TMEM132E: variants seen among roughly 807,000 people sequenced by gnomAD.
TMEM132E encodes the protein transmembrane protein 132E.
A neutral mutation model predicts 78.5 loss-of-function variants in TMEM132E; 49 were observed. The ratio of observed to expected loss-of-function variants is 0.62; its 90% CI spans 0.50 to 0.79. TMEM132E has a LOEUF of 0.79. Among genes scored for constraint, TMEM132E ranks in the 30% least tolerant of loss-of-function variants. The probability of loss-of-function intolerance (pLI) is 0.00; values close to 1 mark genes in which losing one functional copy is unlikely to be tolerated. For synonymous variants in TMEM132E, 715 were observed against 670.6 expected (o/e 1.07, Z -1.02); for missense variants, 1,403 against 1,470.9 (o/e 0.95, Z 0.75).
chr17:34,634,173 C>A (rs537571378), intron 6 of TMEM132E, among the ~76,000 whole-genome samples: 43 of 152,300 alleles, frequency 2.8e-4, no homozygotes, highest in Middle Eastern at 3.4e-3. Flanking sequence ...TGGCAGTAAA[C>A]CTCTCAATTT....
Position 34,638,404 on chromosome 17 carries a change from C to G in TMEM132E, c.*172C>G, listed in dbSNP as rs1907625245. 1 of 672,616 alleles carries G rather than the reference C, an allele frequency of 1.5e-6. No individual in the cohort carries two copies. Among genetic ancestry groups the G allele is most frequent in the Admixed American group, 3.2e-5 (1 of 31,156 alleles). The allele number at this position is 672,616 out of a possible 1,614,324, so 41.7% of individuals were successfully genotyped here. A position where few individuals can be genotyped will look rare whatever the true frequency, so the allele number is the denominator to read the frequency against. ...GGCCGCCTCAGTGTCTGGGCCTTCC[C>G]TCGCCTCACGCCATTACCCTCTTCT... On this transcript the variant is annotated 3_prime_UTR_variant, in exon 9 of 9. Coordinates refer to ENST00000631683, the MANE Select transcript of TMEM132E (RefSeq NM_001304438.2).
intron 1 of TMEM132E, among the ~76,000 whole-genome samples, chr17:34,613,210 C>T (rs1233955306): frequency 7.8e-6 from 1 of 128,704 alleles, no homozygotes; most frequent in African/African-American, 2.7e-5. Flanking sequence ...CACACACACA[C>T]ACGCGCGCGC....
rs12453753 is a variant in TMEM132E at position 34,621,991 on chromosome 17, C to A, written c.68-4136C>A. Among the ~76,000 whole-genome samples, 666 of 152,280 alleles carry A rather than the reference C, an allele frequency of 4.4e-3. 8 individuals carry two copies. Among genetic ancestry groups the A allele is most frequent in the East Asian group, 0.034 (177 of 5,186 alleles). On this transcript the variant is annotated intron_variant, in intron 1 of 8. Transcript: ENST00000631683. ...TGTGTTGATCAGCCTCCCTTCTCCC[C>A]ACCCCACATCTGTCTTCCTTCAAGG...
chr17:34,613,203 A>ACGCG (rs1419108167), intron 1 of TMEM132E, among the ~76,000 whole-genome samples: 2 of 114,600 alleles, frequency 1.7e-5, no homozygotes, highest in Admixed American at 2.1e-4. Context: ...ACACCCACAC[A>ACGCG]CACACACACG....
At chr17:34,613,205 ACACACACGCG>A (rs1312276182) in intron 1 of TMEM132E, among the ~76,000 whole-genome samples, 2 of 103,596 alleles carry the variant, frequency 1.9e-5, no homozygotes, top group Non-Finnish European at 4.3e-5. Context: ...ACCCACACAC[ACACACACGCG>A]CGCGCGCGCG....
chr17:34,615,138 CTGGGTT>C, intron 1 of TMEM132E, among the ~76,000 whole-genome samples: 1 of 97,400 alleles, frequency 1.0e-5, no homozygotes, highest in East Asian at 3.7e-4. Flanking sequence ...TCTTCCCTCC[CTGGGTT>C]TCCCCAGGAG....
chr17:34,609,843 CCA>C (rs1485219226), intron 1 of TMEM132E, among the ~76,000 whole-genome samples: 5 of 152,188 alleles, frequency 3.3e-5, no homozygotes, highest in Admixed American at 1.3e-4. Flanking sequence ...GGGATAAAAT[CCA>C]CAGACTCCTT....
chr17:34,613,034 C>G (rs2142068168), intron 1 of TMEM132E, among the ~76,000 whole-genome samples: 1 of 152,098 alleles, frequency 6.6e-6, no homozygotes, highest in African/African-American at 2.4e-5. Context: ...TCTTACCTTG[C>G]CCAGGGCTGA....
chr17:34,615,921 ATC>A (rs1474333886), intron 1 of TMEM132E, among the ~76,000 whole-genome samples: 2 of 152,048 alleles, frequency 1.3e-5, no homozygotes, highest in African/African-American at 2.4e-5. Flanking sequence ...TTCACAGGTA[ATC>A]TTATAACATA....
chr17:34,594,609 G>T (rs183389375), intron 1 of TMEM132E, among the ~76,000 whole-genome samples: 4 of 152,134 alleles, frequency 2.6e-5, no homozygotes, highest in East Asian at 1.9e-4. Flanking sequence ...ATGTTTTTTT[G>T]TTTGTTTGTT....
intron 1 of TMEM132E, among the ~76,000 whole-genome samples, chr17:34,613,211 A>ACACACACACACACACACACACGCGCGCG: frequency 8.6e-6 from 1 of 115,854 alleles, no homozygotes; most frequent in Non-Finnish European, 1.8e-5. Flanking sequence ...ACACACACAC[A>ACACACACACACACACACACACGCGCGCG]CGCGCGCGCG....
chr17:34,613,211 A>ATACACGCG (rs1555563344), intron 1 of TMEM132E, among the ~76,000 whole-genome samples: 2 of 115,856 alleles, frequency 1.7e-5, no homozygotes, highest in African/African-American at 5.8e-5. Context: ...ACACACACAC[A>ATACACGCG]CGCGCGCGCG....
intron 1 of TMEM132E, among the ~76,000 whole-genome samples, chr17:34,581,760 G>A (rs1157924030): frequency 1.3e-5 from 2 of 151,944 alleles, no homozygotes; most frequent in African/African-American, 4.8e-5. Flanking sequence ...CCGGGGCGGT[G>A]GGCCGCGGGC....
Position 34,580,974 on chromosome 17 carries a change from C to T in TMEM132E, c.-103C>T. The T allele has an allele frequency of 2.2e-6, 2 of 900,044 alleles. No individual in the cohort carries two copies. Among genetic ancestry groups the T allele is most frequent in the African/African-American group, 1.7e-5 (1 of 57,672 alleles). 55.8% of individuals were successfully genotyped at this position (900,044 alleles called of 1,614,324 possible). On this transcript the variant is annotated 5_prime_UTR_variant, in exon 1 of 9. Coordinates refer to ENST00000631683, the MANE Select transcript of TMEM132E (RefSeq NM_001304438.2). ...GTCCCGGAGCTGCATCTGAGACAGC[C>T]GGGCGCCACGGCAGCCCTGAGTTGG...
rs752854211 is a variant in TMEM132E, at chr17:34,630,031, C to A, written c.1362C>A (p.Ala454=). 3 of 1,611,968 alleles carry A rather than the reference C, an allele frequency of 1.9e-6. No homozygotes were observed. Among genetic ancestry groups the A allele is most frequent in the Non-Finnish European group, 2.5e-6 (3 of 1,178,340 alleles). ...LAMDTEIINT[A]ILTGRTVAIP... ...AGGACACAGAGATCATCAACACGGC[C>A]ATTCTGACTGGCCGGACAGTGGCCA... Residue 454 remains alanine, a synonymous_variant, in exon 5 of 9, where the codon GCC becomes GCA. Transcript: ENST00000631683.
chr17:34,630,154 G>A lies in TMEM132E; in HGVS notation c.1482+3G>A, dbSNP rs747698846. ...CTGACAATGAAGACATCATCAAGGTGGGCATCCTGGAGGTGGGGCCCCTGG... is the reference window on the plus strand; with the variant it reads ...CTGACAATGAAGACATCATCAAGGTAGGCATCCTGGAGGTGGGGCCCCTGG... On this transcript the variant is annotated splice_donor_region_variant and intron_variant, in intron 5 of 8. Transcript: ENST00000631683. 2 of 1,607,596 alleles carry A rather than the reference G, an allele frequency of 1.2e-6. No homozygotes were observed. Among genetic ancestry groups the A allele is most frequent in the South Asian group, 1.1e-5 (1 of 90,866 alleles).
chr17:34,600,426 A>AGTGTGTGTGGGT (rs1906197618), intron 1 of TMEM132E, among the ~76,000 whole-genome samples: 1 of 143,968 alleles, frequency 6.9e-6, no homozygotes, highest in African/African-American at 2.6e-5. Flanking sequence ...AGCGTATATG[A>AGTGTGTGTGGGT]GTGTGTGTGT....
chr17:34,607,859 C>G (rs1286548522), intron 1 of TMEM132E, among the ~76,000 whole-genome samples: 1 of 152,150 alleles, frequency 6.6e-6, no homozygotes, highest in Non-Finnish European at 1.5e-5. Flanking sequence ...GCAGGAGCTT[C>G]TGTCCCCCTG....
rs1907115608 is a variant in TMEM132E, at chr17:34,626,249, C to G, written c.190C>G (p.Pro64Ala). ...CTTCTTCCTGCGGGAGGCGCGGCCC[C>G]CGTCACCCGCGGTCGCCAACAGCTC... ...LAFFLREARP[P>A]SPAVANSSLQ... Residue 64 changes from proline to alanine, a missense_variant, in exon 2 of 9, where the codon CCG becomes GCG. By Grantham distance (27) the Pro-to-Ala change is conservative. Around this residue, in one of 3 missense-constraint regions of TMEM132E, gnomAD observed 511 missense variants for 499.0 expected, o/e 1.02. Transcript: ENST00000631683. 4 of 1,599,768 alleles carry G rather than the reference C, an allele frequency of 2.5e-6. No individual in the cohort carries two copies. The highest frequency in any genetic ancestry group is 2.3e-5 in the East Asian group (1 of 44,174).
Sources: allele counts gnomAD v4.1 joint callset (sites outside exome capture counted in the v4.1 genomes callset), GRCh38; gene constraint gnomAD v4.1.1; regional missense constraint gnomAD v4.1.1; transcripts MANE v1.5; gene names NCBI Gene and HGNC (gene_info 2026-07-23, HGNC 2026-07-21).